Variants in RUNDC3B observed in about 807,000 individuals in gnomAD.
RUNDC3B encodes the protein RUN domain-containing protein 3B.
Under a neutral mutation model 58.4 loss-of-function variants are expected in RUNDC3B, and 33 were observed. The observed-to-expected ratio is 0.56, with a 90% CI of 0.43 to 0.75. The LOEUF is 0.75. RUNDC3B is among the 30% of genes least tolerant of loss of function. The probability of loss-of-function intolerance (pLI) is 0.00; values close to 1 mark genes in which losing one functional copy is unlikely to be tolerated. For missense variants in RUNDC3B, 501 were observed against 535.7 expected, an observed-to-expected ratio of 0.94 and a Z score of 0.64; for synonymous variants, 193 against 195.2, an observed-to-expected ratio of 0.99 and a Z score of 0.10.
chr7:87,741,204 C>CA (rs976664076), intron 5 of RUNDC3B, among the ~76,000 whole-genome samples: 29 of 135,842 alleles, frequency 2.1e-4, no homozygotes, highest in East Asian at 1.3e-3. Flanking sequence ...GACTCCCTCT[C>CA]AAAAAAAAAG....
At chr7:87,661,017 T>G (rs111492562) in intron 2 of RUNDC3B, among the ~76,000 whole-genome samples, 24 of 152,030 alleles carry the variant, frequency 1.6e-4, no homozygotes, top group Non-Finnish European at 3.2e-4. Context: ...GATGTATTCT[T>G]AATTGTTGAT....
intron 2 of RUNDC3B, chr7:87,694,184 C>A (rs1000916378): frequency 6.1e-6 from 2 of 329,276 alleles, no homozygotes; most frequent in East Asian, 1.7e-4. Flanking sequence ...AATATAATAA[C>A]CTATTTACTT....
chr7:87,813,895 G>A (rs1362586022), intron 9 of RUNDC3B, among the ~76,000 whole-genome samples: 1 of 151,696 alleles, frequency 6.6e-6, no homozygotes, highest in Non-Finnish European at 1.5e-5. Flanking sequence ...GCAGGAGAAT[G>A]GCATGAACCC....
rs17149869 is a variant in RUNDC3B, at chr7:87,723,412, G to A, written c.458+12757G>A. 6.8e-3 allele frequency among the ~76,000 whole-genome samples: 1,038 copies of A among 152,198 alleles called. 10 individuals are homozygous for A. The highest frequency in any genetic ancestry group is 0.034 in the Middle Eastern group (10 of 294). On this transcript the variant is annotated intron_variant, in intron 4 of 10. Coordinates refer to ENST00000394654, the MANE Select transcript of RUNDC3B (RefSeq NM_001134405.2). ...CTCCATCAGGAAGTTGTTTAGAAAT[G>A]CCCATTAGTAAATAAGTTATAACTA... is the stretch of plus-strand genomic sequence containing the variant.
intron 1 of RUNDC3B, among the ~76,000 whole-genome samples, chr7:87,641,620 T>A (rs1822462924): frequency 6.6e-6 from 1 of 152,220 alleles, no homozygotes; most frequent in Non-Finnish European, 1.5e-5. Flanking sequence ...GTGCACTAAA[T>A]GAAAGAGCTC....
chr7:87,828,489 C>T (rs1459289103), intron 10 of RUNDC3B, among the ~76,000 whole-genome samples: 1 of 152,072 alleles, frequency 6.6e-6, no homozygotes, highest in African/African-American at 2.4e-5. Flanking sequence ...TTTTCTATTC[C>T]TATGTTAATT....
At chr7:87,745,424 G>C (rs1832591740) in intron 6 of RUNDC3B, among the ~76,000 whole-genome samples, 1 of 152,070 alleles carries the variant, frequency 6.6e-6, no homozygotes. Context: ...GTAAAATTCT[G>C]TGAATCCATC....
At chr7:87,789,469 G>T (rs1835408576) in intron 8 of RUNDC3B, among the ~76,000 whole-genome samples, 1 of 152,166 alleles carries the variant, frequency 6.6e-6, no homozygotes, top group Non-Finnish European at 1.5e-5. Context: ...CCATTCTGAT[G>T]CACAAGTTTA....
intron 2 of RUNDC3B, among the ~76,000 whole-genome samples, chr7:87,665,622 C>T (rs112174398): frequency 1.3e-5 from 2 of 151,932 alleles, no homozygotes; most frequent in African/African-American, 2.4e-5. Context: ...GTTTGGTGTA[C>T]AATTAATTTT....
intron 9 of RUNDC3B, among the ~76,000 whole-genome samples, chr7:87,813,056 G>T (rs961190090): frequency 1.3e-5 from 2 of 152,180 alleles, no homozygotes; most frequent in Admixed American, 1.3e-4. Context: ...ATGCAAAGAA[G>T]ATATTGTAAG....
At chr7:87,792,162 T>A (rs1345542593) in intron 8 of RUNDC3B, among the ~76,000 whole-genome samples, 1 of 152,092 alleles carries the variant, frequency 6.6e-6, no homozygotes, top group African/African-American at 2.4e-5. Flanking sequence ...TAGGGGGCTA[T>A]AATATTTGTA....
At chr7:87,635,349 A>T (rs528957474) in intron 1 of RUNDC3B, among the ~76,000 whole-genome samples, 3 of 152,310 alleles carry the variant, frequency 2.0e-5, no homozygotes, top group South Asian at 4.1e-4. Flanking sequence ...ATTGTCAAGG[A>T]CATTATTATG....
chr7:87,647,662 T>C (rs1227935632), intron 1 of RUNDC3B, among the ~76,000 whole-genome samples: 3 of 152,198 alleles, frequency 2.0e-5, no homozygotes, highest in African/African-American at 4.8e-5. Flanking sequence ...TGGTTTCAAT[T>C]TGAATTACCA....
At position 87,679,382 on chromosome 7, in the gene RUNDC3B, C is replaced by T. The variant is rs555434332; in HGVS notation, c.239-21039C>T. On this transcript the variant is annotated intron_variant, in intron 2 of 10. Transcript: ENST00000394654. ...TGCTGGGATTACAAGTGTGAGCCACCGTGCCCGGCCCCCAACTTTTTTTTA... is the reference window on the plus strand; with the variant it reads ...TGCTGGGATTACAAGTGTGAGCCACTGTGCCCGGCCCCCAACTTTTTTTTA... Among the ~76,000 whole-genome samples the T allele has an allele frequency of 9.4e-5, 14 of 149,540 alleles. 1 individual carries two copies. Among genetic ancestry groups the T allele is most frequent in the African/African-American group, 2.5e-4 (10 of 40,158 alleles).
At chr7:87,644,678 T>A (rs895198986) in intron 1 of RUNDC3B, among the ~76,000 whole-genome samples, 5 of 152,242 alleles carry the variant, frequency 3.3e-5, no homozygotes, top group Non-Finnish European at 5.9e-5. Context: ...TGAAGCATAT[T>A]GGATAAATGG....
chr7:87,822,839 G>A (rs1474639992), intron 10 of RUNDC3B, among the ~76,000 whole-genome samples: 1 of 152,110 alleles, frequency 6.6e-6, no homozygotes, highest in Non-Finnish European at 1.5e-5. Flanking sequence ...ATTGAACAAT[G>A]AGAACACATG....
chr7:87,829,941 A>G lies in RUNDC3B; in HGVS notation c.1282A>G (p.Ser428Gly), dbSNP rs567340793. 7 of 1,609,146 alleles carry G rather than the reference A, an allele frequency of 4.4e-6. No homozygotes were observed. In the African/African-American group the frequency reaches 9.4e-5, roughly 22 times the overall value. ...CTGTGGATCTCTAACGTCAGTGGCA[A>G]GTTACAAGTCTCTAACAAGCTTAAA... ...GLCGSLTSVA[S>G]YKSLTSLKSN... The change falls in exon 11 of 11, where the codon AGT (serine) becomes GGT (glycine). Residue 428 changes from serine to glycine, a missense_variant. By Grantham distance (56) the Ser-to-Gly change is moderately conservative (BLOSUM62 0). Coordinates refer to ENST00000394654, the MANE Select transcript of RUNDC3B (RefSeq NM_001134405.2).
chr7:87,678,872 AAGAC>A (rs1826636402), intron 2 of RUNDC3B, among the ~76,000 whole-genome samples: 1 of 152,184 alleles, frequency 6.6e-6, no homozygotes. Context: ...ATTTGCCAAG[AAGAC>A]AGAACAAAAC....
chr7:87,704,733 G>A (rs1284247706), intron 3 of RUNDC3B, among the ~76,000 whole-genome samples: 1 of 152,206 alleles, frequency 6.6e-6, no homozygotes, highest in Non-Finnish European at 1.5e-5. Context: ...CCATTTAGTG[G>A]GGAAAGAGAA....
Sources: gnomAD v4.1 joint callset for allele counts (sites outside exome capture counted in the v4.1 genomes callset) on GRCh38, gnomAD v4.1.1 for gene constraint, MANE v1.5 for transcripts, NCBI Gene and HGNC (gene_info 2026-07-23, HGNC 2026-07-21) for gene names.